The following CNTN5 variants were observed in gnomAD, a reference collection of about 807,000 sequenced individuals.
CNTN5 encodes the protein contactin-5.
In CNTN5, 77 loss-of-function variants were observed where a neutral mutation model predicts 129.1. That is an observed-to-expected ratio of 0.60 (90% CI 0.50 to 0.72). The LOEUF (loss-of-function observed/expected upper bound fraction) is 0.72, where lower values mean the gene tolerates loss of function less well. Ranked by LOEUF, CNTN5 falls within the 30% of genes least tolerant of loss-of-function variation. The pLI is 0.00. For synonymous variants in CNTN5, 509 were observed against 465.6 expected, an observed-to-expected ratio of 1.09 and a Z score of -1.20; for missense variants, 1,478 against 1,328.8, an observed-to-expected ratio of 1.11 and a Z score of -1.75.
chr11:99,209,905 G>A (rs1479262454), intron 1 of CNTN5, among the ~76,000 whole-genome samples: 2 of 152,062 alleles, frequency 1.3e-5, no homozygotes, highest in Non-Finnish European at 2.9e-5. Flanking sequence ...TTTACACGTA[G>A]ACAGAGAAAT....
chr11:99,739,202 T>G (rs1943812698), intron 3 of CNTN5, among the ~76,000 whole-genome samples: 1 of 152,172 alleles, frequency 6.6e-6, no homozygotes, highest in Admixed American at 6.6e-5. Context: ...TTTAAAAGTT[T>G]ATTTATAATA....
At chr11:100,291,069 C>T (rs1327294088) in intron 18 of CNTN5, among the ~76,000 whole-genome samples, 3 of 148,220 alleles carry the variant, frequency 2.0e-5, no homozygotes, top group Non-Finnish European at 4.5e-5. Flanking sequence ...TACCATCTCA[C>T]ACCAGTTAGA....
At chr11:99,650,373 A>C (rs1178917379) in intron 3 of CNTN5, among the ~76,000 whole-genome samples, 1 of 151,834 alleles carries the variant, frequency 6.6e-6, no homozygotes, top group Non-Finnish European at 1.5e-5. Context: ...CATTCACCTG[A>C]ACAGATGATT....
chr11:99,662,695 C>G (rs1433247918), intron 3 of CNTN5, among the ~76,000 whole-genome samples: 2 of 152,130 alleles, frequency 1.3e-5, no homozygotes, highest in African/African-American at 2.4e-5. Context: ...TTTAGGAGCT[C>G]AAGTACATTT....
At chr11:99,498,046 A>G (rs1327095649) in intron 2 of CNTN5, among the ~76,000 whole-genome samples, 1 of 152,068 alleles carries the variant, frequency 6.6e-6, no homozygotes, top group African/African-American at 2.4e-5. Flanking sequence ...AGTCTTGCCA[A>G]TTTTATACAT....
chr11:100,135,999 G>A (rs1051068486), intron 13 of CNTN5, among the ~76,000 whole-genome samples: 1 of 151,972 alleles, frequency 6.6e-6, no homozygotes, highest in South Asian at 2.1e-4. Flanking sequence ...ACCATTATCT[G>A]GAAGTTCAGT....
At chr11:99,729,151 A>G (rs1943446076) in intron 3 of CNTN5, among the ~76,000 whole-genome samples, 1 of 152,206 alleles carries the variant, frequency 6.6e-6, no homozygotes, top group Non-Finnish European at 1.5e-5. Flanking sequence ...AAGATGAAAG[A>G]GTTATAAATA....
chr11:100,348,765 C>T (rs1952340907), intron 23 of CNTN5, among the ~76,000 whole-genome samples: 1 of 151,986 alleles, frequency 6.6e-6, no homozygotes, highest in Admixed American at 6.6e-5. Context: ...TTAAGGCATC[C>T]TCCAGGAAGT....
At chr11:99,784,607 T>G (rs1243055774) in intron 3 of CNTN5, among the ~76,000 whole-genome samples, 1 of 151,978 alleles carries the variant, frequency 6.6e-6, no homozygotes, top group Non-Finnish European at 1.5e-5. Context: ...GATTGCTGGG[T>G]CAAATGGTAT....
chr11:99,070,327 T>A (rs1591140029), intron 1 of CNTN5, among the ~76,000 whole-genome samples: 1 of 152,192 alleles, frequency 6.6e-6, no homozygotes, highest in Admixed American at 6.5e-5. Flanking sequence ...ATTTTTGGTC[T>A]CTCTTTAAAA....
At chr11:99,462,018 G>C (rs1367850986) in intron 2 of CNTN5, among the ~76,000 whole-genome samples, 1 of 152,138 alleles carries the variant, frequency 6.6e-6, no homozygotes, top group Non-Finnish European at 1.5e-5. Context: ...TAGCCATTGA[G>C]TACTGGAATA....
chr11:99,410,244 T>C (rs1487402611), intron 2 of CNTN5, among the ~76,000 whole-genome samples: 1 of 152,216 alleles, frequency 6.6e-6, no homozygotes, highest in African/African-American at 2.4e-5. Context: ...TTAAGTTCAA[T>C]ACACAAGCTA....
At chr11:99,891,478 C>T (rs1949057420) in intron 6 of CNTN5, among the ~76,000 whole-genome samples, 1 of 152,072 alleles carries the variant, frequency 6.6e-6, no homozygotes, top group Admixed American at 6.6e-5. Flanking sequence ...TATGCCTCCC[C>T]TAGGCCCCCA....
intron 2 of CNTN5, among the ~76,000 whole-genome samples, chr11:99,503,971 A>G (rs1300888834): frequency 6.6e-6 from 1 of 152,154 alleles, no homozygotes; most frequent in African/African-American, 2.4e-5. Flanking sequence ...AGTGATTTAT[A>G]TGTTACTTTT....
intron 2 of CNTN5, among the ~76,000 whole-genome samples, chr11:99,442,328 C>G (rs568602998): frequency 6.6e-6 from 1 of 152,200 alleles, no homozygotes; most frequent in South Asian, 2.1e-4. Flanking sequence ...TGCCACCATG[C>G]CCAGCTAATT....
intron 18 of CNTN5, among the ~76,000 whole-genome samples, chr11:100,288,599 A>G (rs1950863431): frequency 6.6e-6 from 1 of 152,152 alleles, no homozygotes; most frequent in African/African-American, 2.4e-5. Context: ...TCTGGGACAC[A>G]TTCAAAGCAG....
intron 1 of CNTN5, among the ~76,000 whole-genome samples, chr11:99,080,382 G>A (rs2135279511): frequency 6.6e-6 from 1 of 152,228 alleles, no homozygotes; most frequent in Non-Finnish European, 1.5e-5. Flanking sequence ...GAGAGCATTT[G>A]AAAGCAGTGG....
intron 15 of CNTN5, among the ~76,000 whole-genome samples, chr11:100,198,182 A>T (rs1939710): frequency 0.69 from 104,327 of 151,846 alleles, 36,019 homozygotes; most frequent in East Asian, 0.84. Context: ...GAAGGTTTGA[A>T]TCCAGTCTTC....
intron 1 of CNTN5, among the ~76,000 whole-genome samples, chr11:99,258,822 A>C (rs1165145280): frequency 6.6e-6 from 1 of 151,942 alleles, no homozygotes; most frequent in East Asian, 1.9e-4. Context: ...AGTTGTGATT[A>C]GGAAAATAGG....
Sources: allele counts gnomAD v4.1 joint callset (sites outside exome capture counted in the v4.1 genomes callset), GRCh38; gene constraint gnomAD v4.1.1; transcripts MANE v1.5; gene names NCBI Gene and HGNC (gene_info 2026-07-23, HGNC 2026-07-21).